Variants in KCTD16 observed in about 807,000 individuals in gnomAD.
KCTD16 encodes BTB/POZ domain-containing protein KCTD16.
Under a neutral mutation model 33.2 loss-of-function variants are expected in KCTD16, and 13 were observed. The ratio of observed to expected loss-of-function variants is 0.39; its 90% CI spans 0.25 to 0.62. The LOEUF (loss-of-function observed/expected upper bound fraction) is 0.62, where lower values mean the gene tolerates loss of function less well. Ranked by LOEUF, KCTD16 falls within the 20% of genes least tolerant of loss-of-function variation. KCTD16 has a pLI of 0.50. For synonymous variants in KCTD16, 197 were observed against 195.3 expected (o/e 1.01, Z -0.07); for missense variants, 441 against 525.1 (o/e 0.84, Z 1.57).
intron 3 of KCTD16, among the ~76,000 whole-genome samples, chr5:144,352,630 G>A (rs567566839): frequency 4.0e-4 from 61 of 152,278 alleles, no homozygotes; most frequent in Non-Finnish European, 7.6e-4. Context: ...TAAAATTTAC[G>A]ATGGAGCAAT....
At chr5:144,328,380 A>G (rs1752264075) in intron 3 of KCTD16, among the ~76,000 whole-genome samples, 1 of 152,176 alleles carries the variant, frequency 6.6e-6, no homozygotes, top group African/African-American at 2.4e-5. Context: ...GAAGAGGAAG[A>G]AGAGATCTTA....
intron 3 of KCTD16, among the ~76,000 whole-genome samples, chr5:144,277,631 G>A (rs1037713055): frequency 6.6e-6 from 1 of 152,116 alleles, no homozygotes; most frequent in Non-Finnish European, 1.5e-5. Flanking sequence ...CATTTACATT[G>A]TATTTTGCAA....
chr5:144,449,962 T>TA (rs1478418034), intron 3 of KCTD16, among the ~76,000 whole-genome samples: 2 of 151,870 alleles, frequency 1.3e-5, no homozygotes, highest in Non-Finnish European at 2.9e-5. Flanking sequence ...AACATTAAAC[T>TA]AAAAAACTTC....
At position 144,475,975 on chromosome 5, in the gene KCTD16, T is replaced by C. The variant is rs1200569191; in HGVS notation, c.*1861T>C. The C allele has an allele frequency of 6.6e-6, 1 of 152,244 alleles. No homozygotes were observed. The highest frequency in any genetic ancestry group is 1.5e-5 in the Non-Finnish European group (1 of 68,042). 9.4% of individuals were successfully genotyped at this position (152,244 alleles called of 1,614,324 possible). ...AAAGTTTATCTTGGGAGTTGAGTTGTCAAGAGAATTATAATTTATGAATTT... is the reference window on the plus strand; with the variant it reads ...AAAGTTTATCTTGGGAGTTGAGTTGCCAAGAGAATTATAATTTATGAATTT... On this transcript the variant is annotated 3_prime_UTR_variant, in exon 4 of 4. Transcript: ENST00000512467.
At chr5:144,387,570 GC>G (rs1752352399) in intron 3 of KCTD16, among the ~76,000 whole-genome samples, 1 of 152,108 alleles carries the variant, frequency 6.6e-6, no homozygotes, top group African/African-American at 2.4e-5. Flanking sequence ...GTACTCTTTT[GC>G]TTTCCTGGAA....
chr5:144,383,252 G>C (rs759249500), intron 3 of KCTD16: 5 of 152,088 alleles, frequency 3.3e-5, no homozygotes, highest in Non-Finnish European at 7.4e-5. Flanking sequence ...TACTTACTGG[G>C]CAAGTTGAGG....
chr5:144,351,316 A>G (rs1561577187), intron 3 of KCTD16, among the ~76,000 whole-genome samples: 2 of 152,180 alleles, frequency 1.3e-5, no homozygotes. Context: ...ATATGACATC[A>G]CTAGTCATCA....
intron 3 of KCTD16, among the ~76,000 whole-genome samples, chr5:144,220,562 ATGTGTGTGTG>A: frequency 6.7e-6 from 1 of 150,342 alleles, no homozygotes; most frequent in East Asian, 2.0e-4. Flanking sequence ...ATGTATATTT[ATGTGTGTGTG>A]TGTGTGTGTG....
chr5:144,280,652 C>T (rs999076208), intron 3 of KCTD16, among the ~76,000 whole-genome samples: 1 of 152,210 alleles, frequency 6.6e-6, no homozygotes, highest in Non-Finnish European at 1.5e-5. Flanking sequence ...CGGCTGGGCG[C>T]AGTGGCTCAC....
intron 3 of KCTD16, among the ~76,000 whole-genome samples, chr5:144,437,382 T>C (rs1234917947): frequency 6.6e-6 from 1 of 152,180 alleles, no homozygotes; most frequent in Non-Finnish European, 1.5e-5. Flanking sequence ...ATAGTGTGGA[T>C]TCAGGATCCA....
At chr5:144,245,551 TGG>T (rs1444333425) in intron 3 of KCTD16, among the ~76,000 whole-genome samples, 1 of 152,126 alleles carries the variant, frequency 6.6e-6, no homozygotes, top group African/African-American at 2.4e-5. Flanking sequence ...AAAGAGGAAG[TGG>T]GGCTGATGTG....
At chr5:144,245,059 T>A (rs979057645) in intron 3 of KCTD16, among the ~76,000 whole-genome samples, 10 of 152,208 alleles carry the variant, frequency 6.6e-5, no homozygotes, top group African/African-American at 1.9e-4. Flanking sequence ...CCTCAGAAAT[T>A]TAAACTGTAT....
intron 3 of KCTD16, among the ~76,000 whole-genome samples, chr5:144,260,381 G>T (rs1255603758): frequency 6.6e-6 from 1 of 152,182 alleles, no homozygotes; most frequent in Non-Finnish European, 1.5e-5. Context: ...AGGAAGAAGA[G>T]ATTTCAAGGG....
chr5:144,383,328 C>T (rs1561587629), intron 3 of KCTD16, among the ~76,000 whole-genome samples: 1 of 152,096 alleles, frequency 6.6e-6, no homozygotes, highest in South Asian at 2.1e-4. Context: ...CCATTTTGAC[C>T]TTTCTTTTCA....
In KCTD16 at chr5:144,342,289, A is replaced by C. The variant is rs1276033434; in HGVS notation, c.833-131371A>C. ...GTAGTTCTCCTTGAAGAGGTCCTTC[A>C]CGTCCCTTGTAAGTTGGATTCCTAG... On this transcript the variant is annotated intron_variant, in intron 3 of 3. Coordinates refer to ENST00000512467, the MANE Select transcript of KCTD16 (RefSeq NM_020768.4). Among the ~76,000 whole-genome samples the C allele has an allele frequency of 2.0e-5, 3 of 152,282 alleles. No individual in the cohort carries two copies. The East Asian group carries it at 5.8e-4, about 29-fold the overall frequency.
intron 3 of KCTD16, among the ~76,000 whole-genome samples, chr5:144,405,777 A>G (rs1752797819): frequency 6.6e-6 from 1 of 152,114 alleles, no homozygotes; most frequent in South Asian, 2.1e-4. Context: ...AATTGATTGG[A>G]ATTGCAGAAG....
intron 3 of KCTD16, among the ~76,000 whole-genome samples, chr5:144,210,128 A>G (rs373033824): frequency 1.7e-4 from 26 of 152,090 alleles, no homozygotes; most frequent in African/African-American, 6.0e-4. Context: ...GAGTCTTCCA[A>G]GAAAAATTGG....
At chr5:144,274,710 C>T (rs907991219) in intron 3 of KCTD16, among the ~76,000 whole-genome samples, 4 of 152,088 alleles carry the variant, frequency 2.6e-5, no homozygotes, top group Non-Finnish European at 4.4e-5. Flanking sequence ...AGAATTGTAC[C>T]TTTCTATTTC....
In KCTD16 at chr5:144,316,955, G is replaced by A. The variant is rs185819485; in HGVS notation, c.832+109409G>A. Among the ~76,000 whole-genome samples the A allele has an allele frequency of 2.0e-5, 3 of 150,308 alleles. No individual in the cohort carries two copies. The East Asian group carries it at 5.9e-4, about 30-fold the overall frequency. On this transcript the variant is annotated intron_variant, in intron 3 of 3. Coordinates refer to ENST00000512467, the MANE Select transcript of KCTD16 (RefSeq NM_020768.4). The stretch of plus-strand genomic sequence containing the variant: ...TGATTCTCCTGTCTCAGCCTCCCAA[G>A]TAGCTGTGCCTACAGGTGCACGCCA...
Sources: allele counts gnomAD v4.1 joint callset (sites outside exome capture counted in the v4.1 genomes callset), GRCh38; gene constraint gnomAD v4.1.1; transcripts MANE v1.5; gene names NCBI Gene and HGNC (gene_info 2026-07-23, HGNC 2026-07-21).